The following RYR2 variants were observed in gnomAD, a reference collection of about 807,000 sequenced individuals.
RYR2 encodes the protein ryanodine receptor 2, also known as cardiac muscle ryanodine receptor-calcium release channel.
Under a neutral mutation model 601.1 loss-of-function variants are expected in RYR2, and 227 were observed. That is an observed-to-expected ratio of 0.38 (90% CI 0.34 to 0.42). The LOEUF (loss-of-function observed/expected upper bound fraction) is 0.42, where lower values mean the gene tolerates loss of function less well. RYR2 is among the 10% of genes least tolerant of loss of function. RYR2 has a pLI of 1.00. For synonymous variants in RYR2, 2,223 were observed against 2,175.1 expected, an observed-to-expected ratio of 1.02 and a Z score of -0.61; for missense variants, 4,646 against 6,156.5, an observed-to-expected ratio of 0.75 and a Z score of 8.21.
In RYR2 at chr1:237,474,190, C is replaced by T. The variant is rs542936091; in HGVS notation, c.1708+5003C>T. ...TTATCTATACATAAATATGTATGTA[C>T]GTGTGTATATATGTGTGTGTGTGTG... is the stretch of plus-strand genomic sequence containing the variant. On this transcript the variant is annotated intron_variant, in intron 17 of 104. Transcript: ENST00000366574. Among the ~76,000 whole-genome samples, 27 of 130,720 alleles carry T rather than the reference C, an allele frequency of 2.1e-4. No individual in the cohort carries two copies. The East Asian group carries it at 5.9e-3, about 28-fold the overall frequency. 85.8% of individuals were successfully genotyped at this position (130,720 alleles called of 152,430 possible). A position where few individuals can be genotyped will look rare whatever the true frequency, so the allele number is the denominator to read the frequency against.
chr1:237,175,919 A>G (rs904985464), intron 1 of RYR2, among the ~76,000 whole-genome samples: 7 of 152,136 alleles, frequency 4.6e-5, no homozygotes, highest in African/African-American at 1.7e-4. Flanking sequence ...TGTAGACGTG[A>G]TGTGTTGGAA....
intron 35 of RYR2, among the ~76,000 whole-genome samples, chr1:237,609,663 C>T (rs1393587891): frequency 2.0e-5 from 3 of 152,082 alleles, no homozygotes; most frequent in African/African-American, 7.2e-5. Context: ...TGGTGCCTAG[C>T]CCAGTCTTTC....
intron 1 of RYR2, among the ~76,000 whole-genome samples, chr1:237,075,326 G>C (rs1421095555): frequency 6.6e-6 from 1 of 151,588 alleles, no homozygotes. Context: ...CGTGAGCGAC[G>C]CAGAAGACGG....
intron 96 of RYR2, among the ~76,000 whole-genome samples, chr1:237,797,720 A>ATTTAG (rs777660305): frequency 1.8e-4 from 28 of 152,342 alleles, no homozygotes; most frequent in Admixed American, 5.9e-4. Context: ...CAAAGTATTA[A>ATTTAG]TTTAGTAAAG....
chr1:237,296,633 C>A (rs1340596788), intron 2 of RYR2, among the ~76,000 whole-genome samples: 1 of 152,122 alleles, frequency 6.6e-6, no homozygotes, highest in African/African-American at 2.4e-5. Flanking sequence ...TTGATGTTAG[C>A]TTGGAGTCTA....
rs369192968 is a variant in RYR2, at chr1:237,669,708, G to A, written c.8590+1750G>A. Among the ~76,000 whole-genome samples the A allele has an allele frequency of 7.7e-4, 116 of 151,380 alleles. No individual in the cohort carries two copies. The South Asian group carries it at 0.022, about 28-fold the overall frequency. On this transcript the variant is annotated intron_variant, in intron 58 of 104. Coordinates refer to ENST00000366574, the MANE Select transcript of RYR2 (RefSeq NM_001035.3). ...AGAGGATGGGCGGCCGGGCAGAGAC[G>A]CTCCTCACTTCCTAGATGTGATGGC...
Position 237,706,976 on chromosome 1 carries a change from ATGT to A in RYR2, c.9610_9612del (p.Val3204del). 1 of 1,613,398 alleles carries A rather than the reference ATGT, an allele frequency of 6.2e-7. No individual in the cohort carries two copies. ...CTCAGTTTGCCAACTAATGTGGAAG[ATGT>A]TTGTCCAAACATACCGTCTTTGGAG... On this transcript the variant is annotated inframe_deletion, in exon 68 of 105. Coordinates refer to ENST00000366574, the MANE Select transcript of RYR2 (RefSeq NM_001035.3).
At chr1:237,045,803 C>A (rs1660503764) in intron 1 of RYR2, among the ~76,000 whole-genome samples, 3 of 134,926 alleles carry the variant, frequency 2.2e-5, no homozygotes, top group Non-Finnish European at 1.6e-5. Flanking sequence ...AACAATCATA[C>A]AGAATGTTAT....
At chr1:237,345,514 T>A (rs980760140) in intron 3 of RYR2, among the ~76,000 whole-genome samples, 5 of 151,150 alleles carry the variant, frequency 3.3e-5, no homozygotes, top group African/African-American at 1.2e-4. Flanking sequence ...TATGTACATA[T>A]CCTGAGGATT....
At chr1:237,428,710 T>C (rs752462291) in intron 12 of RYR2, among the ~76,000 whole-genome samples, 7 of 149,034 alleles carry the variant, frequency 4.7e-5, no homozygotes, top group Non-Finnish European at 1.0e-4. Context: ...GGCACACTTA[T>C]ACCTATGTAA....
At chr1:237,331,061 A>G in intron 3 of RYR2, 79 bp downstream of exon 3, 1 of 1,211,596 alleles carries the variant, frequency 8.3e-7, no homozygotes, top group Non-Finnish European at 1.2e-6. Flanking sequence ...CACAGGTGTC[A>G]GAGATTTTCT....
chr1:237,706,569 A>C (rs1688397271), intron 67 of RYR2, among the ~76,000 whole-genome samples: 1 of 152,182 alleles, frequency 6.6e-6, no homozygotes, highest in African/African-American at 2.4e-5. Context: ...TGAGCAAGGC[A>C]TCAGGTATTT....
In RYR2 at chr1:237,819,120, G is replaced by A; in HGVS notation, c.14518G>A (p.Glu4840Lys). ...EIEDPAGDEY[E>K]IYRIIFDITF... ...CGAAGACCCAGCAGGAGATGAATAT[G>A]AGATCTATCGAATCATCTTTGACAT... is the stretch of plus-strand genomic sequence containing the variant. The change falls in exon 101 of 105, where the codon GAG (glutamate) becomes AAG (lysine). Residue 4840 changes from glutamate to lysine, a missense_variant. Glu to Lys is a moderately conservative substitution (Grantham distance 56). This residue lies in a region of RYR2 where 55 missense variants were observed against 204.7 expected (regional missense o/e 0.27). Transcript: ENST00000366574. The surrounding 1 kb of genome is among the most constrained non-coding windows in gnomAD (Gnocchi z 4.0). The A allele has an allele frequency of 6.2e-7, 1 of 1,613,462 alleles. No individual in the cohort carries two copies. The highest frequency in any genetic ancestry group is 1.1e-5 in the South Asian group (1 of 91,072).
At chr1:237,322,524 A>G (rs1695718220) in intron 2 of RYR2, among the ~76,000 whole-genome samples, 1 of 152,136 alleles carries the variant, frequency 6.6e-6, no homozygotes, top group African/African-American at 2.4e-5. Flanking sequence ...CCCAGATACT[A>G]TATCAGGCAA....
intron 71 of RYR2, among the ~76,000 whole-genome samples, chr1:237,715,553 A>G (rs1167243348): frequency 6.6e-6 from 1 of 152,192 alleles, no homozygotes; most frequent in Non-Finnish European, 1.5e-5. Context: ...TATTTTTATT[A>G]TAAGCTCACA....
chr1:237,657,353 A>G (rs1683351751), intron 53 of RYR2, among the ~76,000 whole-genome samples: 1 of 152,032 alleles, frequency 6.6e-6, no homozygotes, highest in Non-Finnish European at 1.5e-5. Context: ...ATGTATATAT[A>G]TTTAATTTTC....
At chr1:237,689,212 G>C (rs1413037498) in intron 63 of RYR2, among the ~76,000 whole-genome samples, 1 of 152,178 alleles carries the variant, frequency 6.6e-6, no homozygotes, top group Non-Finnish European at 1.5e-5. Flanking sequence ...AGGTAGCAGT[G>C]AGCTATGATC....
chr1:237,135,161 T>A (rs973500706), intron 1 of RYR2, among the ~76,000 whole-genome samples: 1 of 152,186 alleles, frequency 6.6e-6, no homozygotes, highest in Non-Finnish European at 1.5e-5. Flanking sequence ...ACATTTCATT[T>A]ATTTTCAGGT....
chr1:237,066,665 G>C (rs10754591), intron 1 of RYR2, among the ~76,000 whole-genome samples: 115,820 of 149,348 alleles, frequency 0.78, 45,452 homozygotes, highest in East Asian at 0.99. Flanking sequence ...TCTTCGAGAC[G>C]GAGTCTCGCT....
Sources: allele counts gnomAD v4.1 joint callset (sites outside exome capture counted in the v4.1 genomes callset), GRCh38; gene constraint gnomAD v4.1.1; regional missense constraint gnomAD v4.1.1; non-coding constraint Gnocchi (gnomAD v3.1); transcripts MANE v1.5; gene names NCBI Gene and HGNC (gene_info 2026-07-23, HGNC 2026-07-21).